Variants in PPP2R2B observed in about 807,000 individuals in gnomAD.
PPP2R2B encodes the protein protein phosphatase 2 regulatory subunit Bbeta.
In PPP2R2B, 5 loss-of-function variants were observed where a neutral mutation model predicts 46.0. The ratio of observed to expected loss-of-function variants is 0.11; its 90% confidence interval spans 0.06 to 0.23. PPP2R2B has a LOEUF of 0.23. PPP2R2B is among the 10% of genes least tolerant of loss of function. The pLI, the probability that PPP2R2B is intolerant of heterozygous loss-of-function variation, is 1.00. For synonymous variants in PPP2R2B, 215 were observed against 206.7 expected (o/e 1.04, Z -0.34); for missense variants, 367 against 575.0 (o/e 0.64, Z 3.70).
intron 2 of PPP2R2B, among the ~76,000 whole-genome samples, chr5:146,774,687 C>A (rs1755068618): frequency 6.6e-6 from 1 of 151,834 alleles, no homozygotes; most frequent in African/African-American, 2.4e-5. Flanking sequence ...CGTGGTGGTG[C>A]ATGCCAGTAG....
chr5:146,691,050 A>G, intron 5 of PPP2R2B, 78 bp downstream of exon 5: 1 of 1,259,330 alleles, frequency 7.9e-7, no homozygotes, highest in East Asian at 2.3e-5. Context: ...GTTGCAACCT[A>G]CAGTAACAAC....
At chr5:146,635,007 A>T (rs1162245923) in intron 7 of PPP2R2B, among the ~76,000 whole-genome samples, 1 of 152,182 alleles carries the variant, frequency 6.6e-6, no homozygotes, top group Non-Finnish European at 1.5e-5. Context: ...GCAGGCCTAG[A>T]ACCGGAGGAA....
intron 1 of PPP2R2B, among the ~76,000 whole-genome samples, chr5:146,958,834 T>C (rs916721253): frequency 6.6e-6 from 1 of 152,214 alleles, no homozygotes; most frequent in Non-Finnish European, 1.5e-5. Flanking sequence ...TTTGTATGTA[T>C]TAACCAATTT....
chr5:146,969,369 G>C (rs1752566169), intron 1 of PPP2R2B, among the ~76,000 whole-genome samples: 1 of 152,176 alleles, frequency 6.6e-6, no homozygotes, highest in Non-Finnish European at 1.5e-5. Context: ...CTGGAATAAA[G>C]TGCTGAAGGT....
At chr5:147,003,834 C>A (rs962925121) in intron 1 of PPP2R2B, among the ~76,000 whole-genome samples, 1 of 152,116 alleles carries the variant, frequency 6.6e-6, no homozygotes, top group Admixed American at 6.5e-5. Flanking sequence ...TGCCTTCTAC[C>A]TTCCTCGAGT....
intron 2 of PPP2R2B, among the ~76,000 whole-genome samples, chr5:146,740,208 T>C (rs977540811): frequency 6.6e-6 from 1 of 152,182 alleles, no homozygotes; most frequent in East Asian, 1.9e-4. Context: ...TGATGTGACC[T>C]AACTTTTTCC....
intron 2 of PPP2R2B, among the ~76,000 whole-genome samples, chr5:146,859,001 C>A (rs961785591): frequency 6.6e-6 from 1 of 152,148 alleles, no homozygotes; most frequent in Middle Eastern, 3.2e-3. Flanking sequence ...AGAGAGTCAG[C>A]AAGCAGATGC....
intron 2 of PPP2R2B, chr5:146,707,109 C>A: frequency 5.0e-6 from 8 of 1,584,702 alleles, no homozygotes; most frequent in Middle Eastern, 4.5e-4. Flanking sequence ...CCAGCCCCTG[C>A]GTGTTGCCAA....
At chr5:146,970,609 A>AAAG (rs529998491) in intron 1 of PPP2R2B, among the ~76,000 whole-genome samples, 1 of 152,092 alleles carries the variant, frequency 6.6e-6, no homozygotes. Context: ...AAAACAAAAA[A>AAAG]AAGAAGAAGA....
intron 5 of PPP2R2B, among the ~76,000 whole-genome samples, chr5:146,674,337 G>A (rs1777568997): frequency 6.6e-6 from 1 of 152,174 alleles, no homozygotes; most frequent in Admixed American, 6.5e-5. Flanking sequence ...TAAAGCCCTA[G>A]ACTCTCTCCC....
At chr5:146,884,802 G>A (rs1390926837) in intron 1 of PPP2R2B, among the ~76,000 whole-genome samples, 3 of 152,154 alleles carry the variant, frequency 2.0e-5, no homozygotes, top group Non-Finnish European at 4.4e-5. Flanking sequence ...CAACACTCCA[G>A]GGATATACTA....
intron 1 of PPP2R2B, among the ~76,000 whole-genome samples, chr5:146,949,336 A>T (rs1764582405): frequency 6.6e-6 from 1 of 152,144 alleles, no homozygotes; most frequent in Non-Finnish European, 1.5e-5. Flanking sequence ...TTAAAAATTG[A>T]CAAGAGTTCT....
intron 2 of PPP2R2B, among the ~76,000 whole-genome samples, chr5:146,770,982 A>T (rs1039160271): frequency 6.6e-6 from 1 of 152,226 alleles, no homozygotes; most frequent in South Asian, 2.1e-4. Context: ...CCTATGCATG[A>T]TGGGCCATCC....
At chr5:146,678,624 G>T (rs1777910022) in intron 5 of PPP2R2B, among the ~76,000 whole-genome samples, 1 of 144,474 alleles carries the variant, frequency 6.9e-6, no homozygotes, top group Non-Finnish European at 1.5e-5. Context: ...CAGATGACAT[G>T]ATTGTATATC....
intron 1 of PPP2R2B, among the ~76,000 whole-genome samples, chr5:146,996,239 G>A (rs1753918034): frequency 6.6e-6 from 1 of 152,174 alleles, no homozygotes; most frequent in African/African-American, 2.4e-5. Context: ...AGACGGGGAA[G>A]CCTTCACAGA....
At chr5:147,072,604 C>T (rs939077563) in intron 2 of PPP2R2B, among the ~76,000 whole-genome samples, 1 of 152,076 alleles carries the variant, frequency 6.6e-6, no homozygotes, top group African/African-American at 2.4e-5. Context: ...TGGCACCTGC[C>T]TCATATCTTA....
At chr5:146,619,519 G>A (rs551444660) in intron 7 of PPP2R2B, among the ~76,000 whole-genome samples, 7 of 152,256 alleles carry the variant, frequency 4.6e-5, no homozygotes, top group Admixed American at 2.0e-4. Flanking sequence ...ACTCTGCTCC[G>A]GCTGAATGCA....
intron 1 of PPP2R2B, among the ~76,000 whole-genome samples, chr5:146,981,748 A>G (rs539353708): frequency 6.6e-6 from 1 of 152,256 alleles, no homozygotes; most frequent in South Asian, 2.1e-4. Context: ...CTCTCACTTA[A>G]ACCCCCTCCT....
At chr5:146,910,463 G>C (rs1582406549) in intron 1 of PPP2R2B, among the ~76,000 whole-genome samples, 1 of 152,326 alleles carries the variant, frequency 6.6e-6, no homozygotes, top group East Asian at 1.9e-4. Context: ...CAAACATGCA[G>C]TGAATACCTT....
Sources: allele counts gnomAD v4.1 joint callset (sites outside exome capture counted in the v4.1 genomes callset), GRCh38; gene constraint gnomAD v4.1.1; transcripts MANE v1.5; gene names NCBI Gene and HGNC (gene_info 2026-07-23, HGNC 2026-07-21).